CLPB: variants seen among roughly 807,000 people sequenced by gnomAD.
CLPB encodes ClpB family mitochondrial disaggregase.
Under a neutral mutation model 78.4 loss-of-function variants are expected in CLPB, and 40 were observed. The ratio of observed to expected loss-of-function variants is 0.51; its 90% CI spans 0.40 to 0.66. The LOEUF (loss-of-function observed/expected upper bound fraction) is 0.66, where lower values mean the gene tolerates loss of function less well. Among genes scored for constraint, CLPB ranks in the 30% least tolerant of loss-of-function variants. The probability of loss-of-function intolerance (pLI) is 0.00; values close to 1 mark genes in which losing one functional copy is unlikely to be tolerated. For synonymous variants in CLPB, 333 were observed against 348.0 expected (o/e 0.96, Z 0.48); for missense variants, 780 against 886.9 (o/e 0.88, Z 1.53).
chr11:72,385,938 A>G (rs1015039963), intron 3 of CLPB, among the ~76,000 whole-genome samples: 1 of 152,244 alleles, frequency 6.6e-6, no homozygotes, highest in Admixed American at 6.5e-5. Flanking sequence ...GATTGTTTTA[A>G]ATATTTTAGT....
intron 3 of CLPB, among the ~76,000 whole-genome samples, chr11:72,393,166 G>A (rs772769482): frequency 1.3e-4 from 20 of 152,220 alleles, no homozygotes; most frequent in African/African-American, 4.8e-4. Context: ...CATCCTCAGC[G>A]TAGTTCTAAA....
In CLPB at chr11:72,329,700, G is replaced by T; in HGVS notation, c.873+7C>A. ...CCCACAGGCCTCCTCCCTTCCCTGA[G>T]ACTTACCTTGGCTTCAGAAGTCCTC... On this transcript the variant is annotated splice_region_variant and intron_variant, in intron 6 of 15. Transcript: ENST00000538039. 6.2e-7 allele frequency: 1 copy of T among 1,607,026 alleles called. No individual in the cohort carries two copies. The highest frequency in any genetic ancestry group is 1.1e-5 in the South Asian group (1 of 90,866).
intron 4 of CLPB, among the ~76,000 whole-genome samples, chr11:72,364,077 C>T (rs1164741795): frequency 6.6e-6 from 1 of 152,190 alleles, no homozygotes; most frequent in South Asian, 2.1e-4. Context: ...CCAGAAAGGT[C>T]TCCGACTTTC....
At chr11:72,408,749 CT>C (rs1855788375) in intron 2 of CLPB, among the ~76,000 whole-genome samples, 2 of 152,088 alleles carry the variant, frequency 1.3e-5, no homozygotes, top group Admixed American at 1.3e-4. Flanking sequence ...GGGTAGGCCC[CT>C]CCCCTGCCTC....
At chr11:72,425,998 C>T (rs555449877) in intron 2 of CLPB, among the ~76,000 whole-genome samples, 23 of 152,156 alleles carry the variant, frequency 1.5e-4, no homozygotes, top group Admixed American at 9.8e-4. Context: ...TGGGCAGGAA[C>T]CATGACTGCT....
intron 4 of CLPB, among the ~76,000 whole-genome samples, chr11:72,361,926 A>C (rs1950846520): frequency 6.6e-6 from 1 of 152,254 alleles, no homozygotes; most frequent in African/African-American, 2.4e-5. Context: ...AGCTATACAC[A>C]GGGTACTTAC....
At chr11:72,428,906 T>C (rs1856465318) in intron 2 of CLPB, 2 of 152,242 alleles carry the variant, frequency 1.3e-5, no homozygotes, top group Non-Finnish European at 2.9e-5. Flanking sequence ...GGCAGCTCAA[T>C]GGAATATGGT....
intron 4 of CLPB, among the ~76,000 whole-genome samples, chr11:72,366,216 T>G (rs181123811): frequency 2.4e-5 from 3 of 125,522 alleles, no homozygotes; most frequent in Non-Finnish European, 4.7e-5. Flanking sequence ...GTCTTTTGTC[T>G]TGTTTTGTTT....
At chr11:72,348,888 C>G (rs558115195) in intron 5 of CLPB, among the ~76,000 whole-genome samples, 1 of 152,320 alleles carries the variant, frequency 6.6e-6, no homozygotes, top group Admixed American at 6.5e-5. Context: ...CACAGTACCT[C>G]AGATCCACAT....
intron 4 of CLPB, among the ~76,000 whole-genome samples, chr11:72,359,868 T>C (rs1470256119): frequency 1.3e-5 from 2 of 152,220 alleles, no homozygotes; most frequent in East Asian, 1.9e-4. Flanking sequence ...CTAGTGCTAA[T>C]ATTTGTGATT....
intron 5 of CLPB, among the ~76,000 whole-genome samples, chr11:72,340,344 T>C (rs1230701042): frequency 1.3e-5 from 2 of 152,174 alleles, no homozygotes; most frequent in African/African-American, 2.4e-5. Context: ...GCAGACTCTA[T>C]TGCTCTATTT....
chr11:72,298,461 G>A (rs180688698), intron 11 of CLPB, among the ~76,000 whole-genome samples: 21 of 152,268 alleles, frequency 1.4e-4, no homozygotes, highest in Admixed American at 4.6e-4. Flanking sequence ...CCCACACAGC[G>A]CCTCATGAAT....
chr11:72,302,568 A>C, intron 9 of CLPB: 1 of 534,752 alleles, frequency 1.9e-6, no homozygotes, highest in Non-Finnish European at 3.4e-6. Flanking sequence ...GACCCAAATC[A>C]TGTACCTGAC....
chr11:72,307,061 G>C, intron 9 of CLPB, 138 bp downstream of exon 9: 1 of 703,314 alleles, frequency 1.4e-6, no homozygotes, highest in East Asian at 2.7e-5. Context: ...GTTGGGGCCA[G>C]AGCTGAGGTC....
At chr11:72,431,787 G>A (rs565484761) in intron 1 of CLPB, among the ~76,000 whole-genome samples, 11 of 152,154 alleles carry the variant, frequency 7.2e-5, no homozygotes, top group Non-Finnish European at 1.6e-4. Flanking sequence ...CTTCTAAAAG[G>A]GTTCAGTTTC....
intron 3 of CLPB, among the ~76,000 whole-genome samples, chr11:72,384,590 T>C (rs576813663): frequency 6.6e-6 from 1 of 152,238 alleles, no homozygotes; most frequent in Non-Finnish European, 1.5e-5. Flanking sequence ...CAATCAATAA[T>C]TGCCTTGAAT....
At chr11:72,364,888 A>ACAGGTATGAACCACCGCACCCAGC (rs1950913428) in intron 4 of CLPB, among the ~76,000 whole-genome samples, 1 of 152,190 alleles carries the variant, frequency 6.6e-6, no homozygotes, top group Non-Finnish European at 1.5e-5. Flanking sequence ...CACCTATCTC[A>ACAGGTATGAACCACCGCACCCAGC]CAAGAGTCAA....
At chr11:72,335,002 A>G (rs1439289357) in intron 5 of CLPB, among the ~76,000 whole-genome samples, 1 of 152,246 alleles carries the variant, frequency 6.6e-6, no homozygotes, top group African/African-American at 2.4e-5. Flanking sequence ...GTGGTATTGA[A>G]AAAAGTTTAG....
In CLPB at chr11:72,293,097, C is replaced by G; in HGVS notation, c.*270G>C. 7.3e-6 allele frequency: 3 copies of G among 412,950 alleles called. No homozygotes were observed. Among genetic ancestry groups the G allele is most frequent in the Non-Finnish European group, 1.3e-5 (3 of 224,856 alleles). 25.6% of individuals were successfully genotyped at this position (412,950 alleles called of 1,614,324 possible). On this transcript the variant is annotated 3_prime_UTR_variant, in exon 16 of 16. Transcript: ENST00000538039. ...TGAAGGAAATAAGGGACCTCCATCC[C>G]TCCTTGCCTTGAAGGGGGTGGAAAG...
Sources: allele counts gnomAD v4.1 joint callset (sites outside exome capture counted in the v4.1 genomes callset), GRCh38; gene constraint gnomAD v4.1.1; transcripts MANE v1.5; gene names NCBI Gene and HGNC (gene_info 2026-07-23, HGNC 2026-07-21).